PLCB1: variants seen among roughly 807,000 people sequenced by gnomAD.
PLCB1 encodes the protein 1-phosphatidylinositol 4,5-bisphosphate phosphodiesterase beta-1.
In PLCB1, 46 loss-of-function variants were observed where a neutral mutation model predicts 161.8. The ratio of observed to expected loss-of-function variants is 0.28; its 90% CI spans 0.22 to 0.36. The LOEUF is 0.36. Among genes scored for constraint, PLCB1 ranks in the 10% least tolerant of loss-of-function variants. The pLI is 1.00. For missense variants in PLCB1, 1,016 were observed against 1,472.5 expected (o/e 0.69, Z 5.07); for synonymous variants, 517 against 503.7 (o/e 1.03, Z -0.35).
rs3803944 is a variant in PLCB1, at chr20:8,789,302, A to G, written c.3279-216A>G. ...GCTGAGGCTGGAGGATGGCTTCAGC[A>G]TGGGAGGTCAAGGCTTCAGTGAGCC... is the stretch of plus-strand genomic sequence containing the variant. On this transcript the variant is annotated intron_variant, in intron 29 of 31. Coordinates refer to ENST00000338037, the MANE Select transcript of PLCB1 (RefSeq NM_015192.4). 0.25 allele frequency among the ~76,000 whole-genome samples: 38,218 copies of G among 152,154 alleles called. 5,321 individuals carry two copies. The highest frequency in any genetic ancestry group is 0.35 in the South Asian group (1,701 of 4,830).
intron 1 of PLCB1, among the ~76,000 whole-genome samples, chr20:8,147,870 AAGTTTT>A: frequency 6.9e-6 from 1 of 145,364 alleles, no homozygotes; most frequent in Middle Eastern, 3.6e-3. Context: ...AAATTTTGAA[AAGTTTT>A]TTTTTTTTTT....
chr20:8,198,935 C>CACAG (rs1170196786), intron 2 of PLCB1, among the ~76,000 whole-genome samples: 6 of 151,210 alleles, frequency 4.0e-5, no homozygotes, highest in East Asian at 1.9e-4. Flanking sequence ...AAGACACACA[C>CACAG]ACAGACAGAC....
chr20:8,371,597 T>C (rs1418504978), intron 3 of PLCB1, 147 bp downstream of exon 3: 2 of 509,074 alleles, frequency 3.9e-6, no homozygotes, highest in Non-Finnish European at 7.0e-6. Flanking sequence ...ACTTTCACTT[T>C]TATTAAAAGA....
At chr20:8,457,633 G>A (rs1267811745) in intron 3 of PLCB1, among the ~76,000 whole-genome samples, 2 of 151,866 alleles carry the variant, frequency 1.3e-5, no homozygotes, top group African/African-American at 4.8e-5. Flanking sequence ...AGAATTCCAA[G>A]TTTGTCAAGT....
chr20:8,687,504 A>G (rs1000360415), intron 10 of PLCB1, among the ~76,000 whole-genome samples: 5 of 152,108 alleles, frequency 3.3e-5, no homozygotes, highest in Admixed American at 6.6e-5. Flanking sequence ...CCCTGCCCCA[A>G]GTCCCCAAAG....
chr20:8,596,056 G>A (rs1208392143), intron 3 of PLCB1, among the ~76,000 whole-genome samples: 1 of 149,790 alleles, frequency 6.7e-6, no homozygotes, highest in Admixed American at 6.7e-5. Context: ...TAGGTTGCCT[G>A]TTCACACTGA....
chr20:8,654,055 T>TG (rs1989388042), intron 7 of PLCB1, among the ~76,000 whole-genome samples: 1 of 152,050 alleles, frequency 6.6e-6, no homozygotes, highest in Non-Finnish European at 1.5e-5. Flanking sequence ...ATGCATATAT[T>TG]GGGGGGATCT....
chr20:8,710,117 A>G (rs1283600816), intron 12 of PLCB1, among the ~76,000 whole-genome samples: 2 of 152,180 alleles, frequency 1.3e-5, no homozygotes, highest in African/African-American at 4.8e-5. Context: ...AAGAGGTTTA[A>G]TTGGCTCACA....
intron 11 of PLCB1, among the ~76,000 whole-genome samples, chr20:8,701,011 C>T (rs182161446): frequency 2.6e-5 from 4 of 152,272 alleles, no homozygotes; most frequent in Admixed American, 6.5e-5. Flanking sequence ...AATTTAAGGA[C>T]GTCTTTGCTC....
chr20:8,579,918 TA>T (rs1986781239), intron 3 of PLCB1, among the ~76,000 whole-genome samples: 1 of 152,136 alleles, frequency 6.6e-6, no homozygotes, highest in Non-Finnish European at 1.5e-5. Context: ...CAGGAACAAA[TA>T]GGCAAGGTAA....
intron 1 of PLCB1, among the ~76,000 whole-genome samples, chr20:8,147,196 C>T (rs1219527696): frequency 6.6e-6 from 1 of 152,140 alleles, no homozygotes. Flanking sequence ...AGACTCCGTC[C>T]CAGAGCTACT....
chr20:8,231,885 G>A (rs1980060064), intron 2 of PLCB1, among the ~76,000 whole-genome samples: 1 of 152,106 alleles, frequency 6.6e-6, no homozygotes, highest in Non-Finnish European at 1.5e-5. Flanking sequence ...GTGATGCTCA[G>A]TTTTATTAGC....
At chr20:8,429,968 A>G (rs1979963030) in intron 3 of PLCB1, among the ~76,000 whole-genome samples, 1 of 151,970 alleles carries the variant, frequency 6.6e-6, no homozygotes, top group African/African-American at 2.4e-5. Flanking sequence ...TAGCCGCAGT[A>G]AGCACCTGTG....
chr20:8,146,208 T>A (rs2051452802), intron 1 of PLCB1, among the ~76,000 whole-genome samples: 1 of 150,644 alleles, frequency 6.6e-6, no homozygotes, highest in South Asian at 2.1e-4. Flanking sequence ...ATTAGAAAAA[T>A]AAAAACCTAA....
chr20:8,600,294 C>T (rs1987507175), intron 3 of PLCB1, among the ~76,000 whole-genome samples: 2 of 109,864 alleles, frequency 1.8e-5, no homozygotes, highest in South Asian at 5.3e-4. Flanking sequence ...GATGTCCTTT[C>T]TGTTTGTTAG....
intron 2 of PLCB1, among the ~76,000 whole-genome samples, chr20:8,319,788 G>A (rs548409298): frequency 1.3e-5 from 2 of 149,652 alleles, no homozygotes; most frequent in South Asian, 2.2e-4. Flanking sequence ...CAAGACATGG[G>A]AGTGAACCAG....
intron 31 of PLCB1, among the ~76,000 whole-genome samples, chr20:8,878,336 A>AT (rs1987849816): frequency 6.6e-6 from 1 of 152,180 alleles, no homozygotes; most frequent in Non-Finnish European, 1.5e-5. Context: ...TGAGGTCTGA[A>AT]TGGTAGTAAA....
intron 26 of PLCB1, among the ~76,000 whole-genome samples, chr20:8,766,167 G>A (rs1982304615): frequency 6.6e-6 from 1 of 152,086 alleles, no homozygotes; most frequent in African/African-American, 2.4e-5. Context: ...ACTGTGCCCT[G>A]GGGACACAGC....
chr20:8,323,891 T>G (rs1363469961), intron 2 of PLCB1, among the ~76,000 whole-genome samples: 1 of 152,124 alleles, frequency 6.6e-6, no homozygotes, highest in East Asian at 1.9e-4. Context: ...TAATTTAATG[T>G]ATCAACAATT....
Sources: gnomAD v4.1 joint callset for allele counts (sites outside exome capture counted in the v4.1 genomes callset) on GRCh38, gnomAD v4.1.1 for gene constraint, MANE v1.5 for transcripts, NCBI Gene and HGNC (gene_info 2026-07-23, HGNC 2026-07-21) for gene names.